FAM3B: variants seen among roughly 807,000 people sequenced by gnomAD.
The protein encoded by FAM3B is protein FAM3B.
In FAM3B, 29 loss-of-function variants were observed where a neutral mutation model predicts 28.4. That is an observed-to-expected ratio of 1.02 (90% CI 0.76 to 1.39). The LOEUF is 1.39. FAM3B is among the 40% of genes most tolerant of loss of function. The pLI is 0.00. For synonymous variants in FAM3B, 91 were observed against 103.0 expected (o/e 0.88, Z 0.71); for missense variants, 266 against 293.9 (o/e 0.91, Z 0.69).
At chr21:41,321,683 G>A (rs188374679) in intron 1 of FAM3B, among the ~76,000 whole-genome samples, 3 of 152,330 alleles carry the variant, frequency 2.0e-5, no homozygotes, top group Middle Eastern at 3.4e-3. Flanking sequence ...GAAACATCGC[G>A]TTCTATCCCC....
At position 41,338,409 on chromosome 21, in the gene FAM3B, C is replaced by A. The variant is rs979548576; in HGVS notation, c.195C>A (p.His65Gln). Residue 65 changes from histidine to glutamine, a missense_variant, in exon 3 of 8, where the codon CAC becomes CAA. His to Gln is a conservative substitution (Grantham distance 24). Coordinates refer to ENST00000357985, the MANE Select transcript of FAM3B (RefSeq NM_058186.4). Reference sequence around the variant, plus strand: ...TCCCCAAAAGGCAAAAATGTGACCACTGGACTCCCTGCCCATCTGACACCT... The same window carrying A: ...TCCCCAAAAGGCAAAAATGTGACCAATGGACTCCCTGCCCATCTGACACCT... ...APVPKRQKCD[H>Q]WTPCPSDTYA... is the part of the protein sequence containing the mutation. The A allele has an allele frequency of 6.2e-7, 1 of 1,614,212 alleles. No individual in the cohort carries two copies. Among genetic ancestry groups the A allele is most frequent in the Non-Finnish European group, 8.5e-7 (1 of 1,180,040 alleles).
chr21:41,311,194 G>A (rs1244584419), intron 1 of FAM3B, among the ~76,000 whole-genome samples: 6 of 126,420 alleles, frequency 4.7e-5, no homozygotes, highest in South Asian at 5.3e-4. Context: ...TACTGCATTC[G>A]AAGTTGAAAG....
intron 2 of FAM3B, among the ~76,000 whole-genome samples, chr21:41,331,534 C>G (rs937098735): frequency 6.6e-6 from 1 of 151,996 alleles, no homozygotes; most frequent in African/African-American, 2.4e-5. Flanking sequence ...TGGAGCTTTT[C>G]CCTTATATTT....
In FAM3B at chr21:41,323,046, G is replaced by C. The variant is rs747932044; in HGVS notation, c.143G>C (p.Gly48Ala). 21 of 1,606,080 alleles carry C rather than the reference G, an allele frequency of 1.3e-5. No individual in the cohort carries two copies. The highest frequency in any genetic ancestry group is 3.4e-6 in the Non-Finnish European group (4 of 1,180,008). ...GCTGCCTATAGCATCCGCAGCATCGGGGAGAGGCCTGTCCTCAAAGGTGAG... is the reference window on the plus strand; with the variant it reads ...GCTGCCTATAGCATCCGCAGCATCGCGGAGAGGCCTGTCCTCAAAGGTGAG... ...SSAAYSIRSI[G>A]ERPVLKAPVP... The change falls in exon 2 of 8, where the codon GGG becomes GCG. Residue 48 changes from glycine (G) to alanine (A), a missense_variant. Physicochemically the swap from Gly to Ala is moderately conservative, Grantham distance 60. Coordinates refer to ENST00000357985, the MANE Select transcript of FAM3B (RefSeq NM_058186.4).
intron 7 of FAM3B, among the ~76,000 whole-genome samples, chr21:41,352,794 C>A (rs1007066549): frequency 5.0e-5 from 2 of 39,966 alleles, no homozygotes; most frequent in African/African-American, 3.9e-4. Flanking sequence ...AACTCCATCT[C>A]AAAAATAAAT....
chr21:41,320,231 C>G (rs9305737), intron 1 of FAM3B: 6,559 of 152,264 alleles, frequency 0.043, 196 homozygotes, highest in Non-Finnish European at 0.071. Context: ...GCCTCAGCCT[C>G]CTGTGTAATT....
In FAM3B at chr21:41,357,078, A is replaced by G. The variant is rs774519080; in HGVS notation, c.619-30A>G. ...AAATACTTGTTTATTAGATTAATGA[A>G]TAAATAAAACTCTTCTTTTCTCTAC... On this transcript the variant is annotated intron_variant, in intron 7 of 7. Coordinates refer to ENST00000357985, the MANE Select transcript of FAM3B (RefSeq NM_058186.4). 64 of 1,505,228 alleles carry G rather than the reference A, an allele frequency of 4.3e-5. No homozygotes were observed. The East Asian group carries it at 1.4e-3, about 33-fold the overall frequency. The allele number at this position is 1,505,228 out of a possible 1,614,324, so 93.2% of individuals were successfully genotyped here.
chr21:41,356,890 G>A (rs1200931968), intron 7 of FAM3B, among the ~76,000 whole-genome samples: 1 of 152,006 alleles, frequency 6.6e-6, no homozygotes, highest in Non-Finnish European at 1.5e-5. Context: ...CACATGATAT[G>A]GACATATCAC....
upstream of FAM3B, chr21:41,316,723 C>G (rs1332432799): frequency 1.7e-6 from 1 of 585,428 alleles, no homozygotes. Flanking sequence ...CTGCCGGGTC[C>G]GCACCTGCCA....
chr21:41,350,571 G>A (rs1171170333), intron 7 of FAM3B, among the ~76,000 whole-genome samples: 2 of 152,092 alleles, frequency 1.3e-5, no homozygotes, highest in African/African-American at 4.8e-5. Flanking sequence ...AGATCCCTCC[G>A]CACAGCTTCT....
intron 1 of FAM3B, chr21:41,320,571 A>G (rs995152682): frequency 2.0e-5 from 3 of 152,220 alleles, no homozygotes; most frequent in Admixed American, 1.3e-4. Context: ...GCTAGACCTG[A>G]GCACAGGCTG....
chr21:41,328,324 A>G (rs1321820450), intron 2 of FAM3B, among the ~76,000 whole-genome samples: 1 of 152,196 alleles, frequency 6.6e-6, no homozygotes, highest in Non-Finnish European at 1.5e-5. Context: ...CAAATGCTAT[A>G]TTCAACGTGT....
chr21:41,355,391 T>G (rs2089156450), intron 7 of FAM3B, among the ~76,000 whole-genome samples: 1 of 152,148 alleles, frequency 6.6e-6, no homozygotes, highest in South Asian at 2.1e-4. Flanking sequence ...AGCAACATTA[T>G]TTATAATAGC....
At chr21:41,327,451 T>C (rs1170504565) in intron 2 of FAM3B, among the ~76,000 whole-genome samples, 1 of 152,236 alleles carries the variant, frequency 6.6e-6, no homozygotes, top group African/African-American at 2.4e-5. Context: ...TGGAGAAATA[T>C]GAGGACCAGA....
chr21:41,335,054 C>T (rs1383993041), intron 2 of FAM3B, among the ~76,000 whole-genome samples: 1 of 152,050 alleles, frequency 6.6e-6, no homozygotes, highest in Non-Finnish European at 1.5e-5. Flanking sequence ...TGATTTTTTG[C>T]CTTTTAAAGT....
At chr21:41,308,981 T>G (rs2088696279) in intron 1 of FAM3B, among the ~76,000 whole-genome samples, 1 of 152,286 alleles carries the variant, frequency 6.6e-6, no homozygotes, top group South Asian at 2.1e-4. Flanking sequence ...TAGATTCATC[T>G]TCACAAAAGG....
At chr21:41,304,467 T>G (rs2088671061) in intron 1 of FAM3B, among the ~76,000 whole-genome samples, 1 of 152,184 alleles carries the variant, frequency 6.6e-6, no homozygotes, top group African/African-American at 2.4e-5. Context: ...CACCTCCCGT[T>G]GCGGCTGCGC....
At chr21:41,317,772 C>A (rs1444011609) in intron 1 of FAM3B, among the ~76,000 whole-genome samples, 1 of 152,096 alleles carries the variant, frequency 6.6e-6, no homozygotes, top group Non-Finnish European at 1.5e-5. Flanking sequence ...TTCCTGCCAG[C>A]ACCAGCATTC....
intron 7 of FAM3B, among the ~76,000 whole-genome samples, chr21:41,349,538 G>T (rs1269365070): frequency 6.6e-6 from 1 of 152,168 alleles, no homozygotes; most frequent in Non-Finnish European, 1.5e-5. Context: ...CATCTCCAGG[G>T]TGTGCAATAG....
Sources: allele counts gnomAD v4.1 joint callset (sites outside exome capture counted in the v4.1 genomes callset), GRCh38; gene constraint gnomAD v4.1.1; transcripts MANE v1.5; gene names NCBI Gene and HGNC (gene_info 2026-07-23, HGNC 2026-07-21).